The following DSP variants were observed in gnomAD, a reference collection of about 807,000 sequenced individuals.
DSP encodes the protein desmoplakin, also known as 250/210 kDa paraneoplastic pemphigus antigen.
DSP carries 114 observed loss-of-function variants against 290.6 expected under a neutral mutation model. The ratio of observed to expected loss-of-function variants is 0.39; its 90% CI spans 0.34 to 0.46. The LOEUF (loss-of-function observed/expected upper bound fraction) is 0.46. DSP is among the 20% of genes least tolerant of loss of function. DSP has a pLI of 0.99. For synonymous variants in DSP, 1,311 were observed against 1,316.4 expected (o/e 1.00, Z 0.09); for missense variants, 3,230 against 3,495.8 (o/e 0.92, Z 1.92).
intron 5 of DSP, among the ~76,000 whole-genome samples, chr6:7,563,319 T>A (rs1417475805): frequency 1.3e-5 from 2 of 151,676 alleles, no homozygotes; most frequent in African/African-American, 4.8e-5. Context: ...TAAACTTTTT[T>A]TTTTTTTTTT....
At position 7,569,610 on chromosome 6, in the gene DSP, G is replaced by A. The variant is rs146268525; in HGVS notation, c.1574+270G>A. ...AGCACTTGGGGAGACCGAGGTGGGCGGATCACCTGAGGTTAGGAGTTTGAG... is the reference window on the plus strand; with the variant it reads ...AGCACTTGGGGAGACCGAGGTGGGCAGATCACCTGAGGTTAGGAGTTTGAG... On this transcript the variant is annotated intron_variant, in intron 12 of 23. Coordinates refer to ENST00000379802, the MANE Select transcript of DSP (RefSeq NM_004415.4). Among the ~76,000 whole-genome samples the A allele has an allele frequency of 2.0e-4, 30 of 152,284 alleles. No individual in the cohort carries two copies. The East Asian group carries it at 5.2e-3, about 26-fold the overall frequency.
rs1759215914 is a variant in DSP at position 7,575,608 on chromosome 6, C to T, written c.2630+120C>T. The T allele has an allele frequency of 3.4e-6, 4 of 1,188,880 alleles. No homozygotes were observed. The South Asian group carries it at 3.9e-5, about 12-fold the overall frequency. The allele number at this position is 1,188,880 out of a possible 1,614,324, so 73.6% of individuals were successfully genotyped here. A position where few individuals can be genotyped will look rare whatever the true frequency, so the allele number is the denominator to read the frequency against. On this transcript the variant is annotated intron_variant, in intron 18 of 23. Coordinates refer to ENST00000379802, the MANE Select transcript of DSP (RefSeq NM_004415.4). ...GGTTTTGTTTTTTGTGTAAGTTAGG[C>T]GTAACAGATGCTCTTTTCATGGACT...
chr6:7,543,626 G>A (rs1758087662), intron 1 of DSP, among the ~76,000 whole-genome samples: 1 of 152,116 alleles, frequency 6.6e-6, no homozygotes, highest in Admixed American at 6.5e-5. Flanking sequence ...TCCTTTAAAT[G>A]TGTGGGTTAC....
rs76283418 is a variant in DSP, at chr6:7,574,875, G to C, written c.2436+80G>C. ...AGCTCCCAATTATAAAGCCTCACTGGGTTTTCATGAGTTTTGAGGATTATT... is the reference window on the plus strand; with the variant it reads ...AGCTCCCAATTATAAAGCCTCACTGCGTTTTCATGAGTTTTGAGGATTATT... On this transcript the variant is annotated intron_variant, in intron 17 of 23. Coordinates refer to ENST00000379802, the MANE Select transcript of DSP (RefSeq NM_004415.4). 1.0e-4 allele frequency: 160 copies of C among 1,599,628 alleles called. 1 individual carries two copies. In the East Asian group the frequency reaches 3.6e-3, roughly 36 times the overall value.
Position 7,541,736 on chromosome 6 carries a change from G to T in DSP, c.-180G>T. 1.4e-6 allele frequency: 1 copy of T among 736,482 alleles called. No homozygotes were observed. Among genetic ancestry groups the T allele is most frequent in the Non-Finnish European group, 2.1e-6 (1 of 479,972 alleles). The allele number at this position is 736,482 out of a possible 1,614,324, so 45.6% of individuals were successfully genotyped here. On this transcript the variant is annotated 5_prime_UTR_variant, in exon 1 of 24. Coordinates refer to ENST00000379802, the MANE Select transcript of DSP (RefSeq NM_004415.4). ...CCGCTCCTGCCCCCGGCCCGTCGCCGTCTCCGCGCTCGCAGCGGCCTCGGG... is the reference window on the plus strand; with the variant it reads ...CCGCTCCTGCCCCCGGCCCGTCGCCTTCTCCGCGCTCGCAGCGGCCTCGGG...
intron 1 of DSP, among the ~76,000 whole-genome samples, chr6:7,550,143 C>T (rs1269655224): frequency 6.6e-6 from 1 of 151,988 alleles, no homozygotes; most frequent in East Asian, 1.9e-4. Context: ...GTTCAACCAT[C>T]TCATCTCAGC....
At position 7,584,090 on chromosome 6, in the gene DSP, G is replaced by A. The variant is rs2113701105; in HGVS notation, c.6828G>A (p.Glu2276=). 3 of 1,614,132 alleles carry A rather than the reference G, an allele frequency of 1.9e-6. No individual in the cohort carries two copies. Among genetic ancestry groups the A allele is most frequent in the Non-Finnish European group, 2.5e-6 (3 of 1,180,038 alleles). ...CAAAACAGAAGCTTGGCATTTATGAGGCCATGAAAATTGGCTTAGTCCGAC... is the reference window on the plus strand; with the variant it reads ...CAAAACAGAAGCTTGGCATTTATGAAGCCATGAAAATTGGCTTAGTCCGAC... ...ETTKQKLGIY[E]AMKIGLVRPG... is the part of the protein sequence containing the mutation. Residue 2276 remains glutamate, a synonymous_variant, in exon 24 of 24, where the codon GAG becomes GAA. Transcript: ENST00000379802. This position sits in a 1 kb window ranked among gnomAD's most constrained non-coding sequence, Gnocchi z 6.4.
intron 2 of DSP, 142 bp from the exon 3 acceptor site, chr6:7,557,974 C>G (rs988996947): frequency 1.9e-6 from 2 of 1,057,602 alleles, no homozygotes; most frequent in Admixed American, 3.8e-5. Flanking sequence ...TGTTTACCTT[C>G]TTATCTCAAT....
At position 7,582,739 on chromosome 6, in the gene DSP, A is replaced by G; in HGVS notation, c.5477A>G (p.Lys1826Arg). ...LVKIKVLEQD[K>R]ARLQRLEDEL... ...AAAATCAAAGTCCTGGAGCAAGACA[A>G]GGCAAGGCTGCAGAGGCTGGAGGAT... The change falls in exon 24 of 24, where the codon AAG becomes AGG. Residue 1826 changes from lysine (K) to arginine (R), a missense_variant. Lys to Arg is a conservative substitution (Grantham distance 26). Coordinates refer to ENST00000379802, the MANE Select transcript of DSP (RefSeq NM_004415.4). This position sits in a 1 kb window ranked among gnomAD's most constrained non-coding sequence, Gnocchi z 4.2. 6.2e-7 allele frequency: 1 copy of G among 1,613,810 alleles called. No homozygotes were observed. Among genetic ancestry groups the G allele is most frequent in the Non-Finnish European group, 8.5e-7 (1 of 1,179,814 alleles).
chr6:7,567,088 A>G (rs1758885661), intron 8 of DSP, among the ~76,000 whole-genome samples: 1 of 152,216 alleles, frequency 6.6e-6, no homozygotes, highest in African/African-American at 2.4e-5. Context: ...CTGATTGGTC[A>G]GTATCTCTGC....
Position 7,586,511 on chromosome 6 carries a change from C to T in DSP, c.*633C>T, listed in dbSNP as rs1759681642. On this transcript the variant is annotated 3_prime_UTR_variant, in exon 24 of 24. Coordinates refer to ENST00000379802, the MANE Select transcript of DSP (RefSeq NM_004415.4). ...TTCTGTTTATTTTGCTTGTCATATT[C>T]GATGTACTTTAAGGTGTCTTTATGA... is the stretch of plus-strand genomic sequence containing the variant. 1 of 152,116 alleles carries T rather than the reference C, an allele frequency of 6.6e-6. No homozygotes were observed. The highest frequency in any genetic ancestry group is 1.5e-5 in the Non-Finnish European group (1 of 68,078). The allele number at this position is 152,116 out of a possible 1,614,324, so 9.4% of individuals were successfully genotyped here.
rs727504492 is a variant in DSP, at chr6:7,567,903, G to A, written c.1263G>A (p.Leu421=). The change falls in exon 10 of 24, where the codon CTG becomes CTA. Residue 421 remains leucine (L), a synonymous_variant. Transcript: ENST00000379802. The part of the protein sequence containing the change: ...LQHLLEQIKE[L]EKEREKILEY... ...ACCTGCTGGAACAGATCAAGGAGCT[G>A]GAGGTATCGTCTCAGACCCAGAACC... The A allele has an allele frequency of 6.2e-7, 1 of 1,613,652 alleles. No homozygotes were observed. The highest frequency in any genetic ancestry group is 1.1e-5 in the South Asian group (1 of 91,036).
rs375891215 is a variant in DSP, at chr6:7,576,346, T to C, written c.2683T>C (p.Tyr895His). Residue 895 changes from tyrosine (Y) to histidine (H), a missense_variant, in exon 19 of 24, where the codon TAT becomes CAT. Coordinates refer to ENST00000379802, the MANE Select transcript of DSP (RefSeq NM_004415.4). ...GCAATTGAGGAATTATCGTGATAAC[T>C]ATCAGGCTTTCTGCAAGTGGCTCTA... is the stretch of plus-strand genomic sequence containing the variant. The part of the protein sequence containing the change: ...IKQLRNYRDN[Y>H]QAFCKWLYDA... 137 of 1,614,168 alleles carry C rather than the reference T, an allele frequency of 8.5e-5. 1 individual carries two copies. In the African/African-American group the frequency reaches 1.6e-3, roughly 19 times the overall value.
At chr6:7,545,428 A>C (rs1202041861) in intron 1 of DSP, among the ~76,000 whole-genome samples, 1 of 152,208 alleles carries the variant, frequency 6.6e-6, no homozygotes, top group Non-Finnish European at 1.5e-5. Flanking sequence ...GGTTGGCCTG[A>C]GGACCCAAGG....
At chr6:7,558,338 A>G (rs368719610) in intron 3 of DSP, 74 bp downstream of exon 3, 4 of 1,557,246 alleles carry the variant, frequency 2.6e-6, no homozygotes, top group African/African-American at 2.7e-5. Flanking sequence ...ACTCAATTCC[A>G]TGACCCAGGG....
chr6:7,550,181 G>C (rs951473082), intron 1 of DSP, among the ~76,000 whole-genome samples: 1 of 151,742 alleles, frequency 6.6e-6, no homozygotes, highest in Non-Finnish European at 1.5e-5. Flanking sequence ...CGAGTAGCTG[G>C]GACTTACAGG....
intron 1 of DSP, among the ~76,000 whole-genome samples, chr6:7,550,650 G>A (rs1758311772): frequency 1.3e-5 from 2 of 152,060 alleles, no homozygotes; most frequent in African/African-American, 4.8e-5. Flanking sequence ...GTGCAGGTAG[G>A]TTCTTTGTAA....
In DSP at chr6:7,585,616, A is replaced by G. The variant is rs781408330; in HGVS notation, c.8354A>G (p.Tyr2785Cys). Residue 2785 changes from tyrosine to cysteine, a missense_variant, in exon 24 of 24, where the codon TAT becomes TGT. Tyr to Cys is a radical substitution (Grantham distance 194). Transcript: ENST00000379802. The stretch of plus-strand genomic sequence containing the variant: ...CCCAAAACCAAATTAAAAATATCCT[A>G]TAAGGATGCCATAAATCGCTCCATG... Reference protein sequence around the residue: ...TCPKTKLKISYKDAINRSMVE... With the variant: ...TCPKTKLKISCKDAINRSMVE... 4 of 1,614,096 alleles carry G rather than the reference A, an allele frequency of 2.5e-6. No individual in the cohort carries two copies. The highest frequency in any genetic ancestry group is 1.3e-5 in the African/African-American group (1 of 74,936).
At position 7,580,935 on chromosome 6, in the gene DSP, G is replaced by A; in HGVS notation, c.4745G>A (p.Arg1582Lys). ...GAAGAGGAGCTGAATCGGCTGAAGA[G>A]GACCGCGTCAGAAGACTCCTGCAAG... ...KVEEELNRLK[R>K]TASEDSCKRK... Residue 1582 changes from arginine to lysine, a missense_variant, in exon 23 of 24, where the codon AGG becomes AAG. Arg to Lys is a conservative substitution (Grantham distance 26, BLOSUM62 2). Transcript: ENST00000379802. The surrounding 1 kb of genome is among the most constrained non-coding windows in gnomAD (Gnocchi z 4.2). 1.2e-6 allele frequency: 2 copies of A among 1,614,144 alleles called. No homozygotes were observed. The highest frequency in any genetic ancestry group is 1.7e-6 in the Non-Finnish European group (2 of 1,180,026).
Sources: allele counts gnomAD v4.1 joint callset (sites outside exome capture counted in the v4.1 genomes callset), GRCh38; gene constraint gnomAD v4.1.1; non-coding constraint Gnocchi (gnomAD v3.1); transcripts MANE v1.5; gene names NCBI Gene and HGNC (gene_info 2026-07-23, HGNC 2026-07-21).